The following ALX4 variants were observed in gnomAD, a reference collection of about 807,000 sequenced individuals.
ALX4 encodes ALX homeobox 4.
In ALX4, 22 loss-of-function variants were observed where a neutral mutation model predicts 40.6. The observed-to-expected ratio is 0.54, with a 90% CI of 0.39 to 0.77. The LOEUF is 0.77. ALX4 is among the 30% of genes least tolerant of loss of function. The pLI is 0.00. For synonymous variants in ALX4, 266 were observed against 240.5 expected, an observed-to-expected ratio of 1.11 and a Z score of -0.98; for missense variants, 556 against 564.8, an observed-to-expected ratio of 0.98 and a Z score of 0.16.
chr11:44,304,551 C>A (rs900878929), intron 1 of ALX4, among the ~76,000 whole-genome samples: 3 of 152,188 alleles, frequency 2.0e-5, no homozygotes, highest in African/African-American at 7.2e-5. Flanking sequence ...GGCAACTATC[C>A]CCCTCCTCTC....
intron 1 of ALX4, among the ~76,000 whole-genome samples, chr11:44,280,750 A>G (rs1181916695): frequency 6.6e-6 from 1 of 152,238 alleles, no homozygotes; most frequent in East Asian, 1.9e-4. Context: ...CCATCATGGT[A>G]TCCAGTGCTC....
At chr11:44,296,412 T>C (rs575145676) in intron 1 of ALX4, among the ~76,000 whole-genome samples, 3 of 152,308 alleles carry the variant, frequency 2.0e-5, no homozygotes, top group South Asian at 4.1e-4. Context: ...TTCTTGAATA[T>C]GACACCAAAA....
At chr11:44,308,568 T>A (rs1296440074) in intron 1 of ALX4, among the ~76,000 whole-genome samples, 1 of 152,230 alleles carries the variant, frequency 6.6e-6, no homozygotes, top group Non-Finnish European at 1.5e-5. Context: ...GAACCCCGAT[T>A]CTCTGGAAGA....
chr11:44,270,247 G>C (rs760547543), intron 2 of ALX4, among the ~76,000 whole-genome samples: 1 of 152,148 alleles, frequency 6.6e-6, no homozygotes, highest in South Asian at 2.1e-4. Context: ...ATGACCAGGC[G>C]GGGGAGAGGC....
At chr11:44,275,864 C>T (rs1204494709) in intron 1 of ALX4, among the ~76,000 whole-genome samples, 1 of 152,198 alleles carries the variant, frequency 6.6e-6, no homozygotes, top group Non-Finnish European at 1.5e-5. Context: ...CTTCCCCAAT[C>T]TGAGCCTCTT....
chr11:44,290,768 C>A (rs1956364490), intron 1 of ALX4, among the ~76,000 whole-genome samples: 1 of 152,182 alleles, frequency 6.6e-6, no homozygotes, highest in South Asian at 2.1e-4. Flanking sequence ...AGTGACTTGA[C>A]CTTTGTGTGC....
chr11:44,270,366 G>C (rs1254938750), intron 2 of ALX4, among the ~76,000 whole-genome samples: 1 of 151,912 alleles, frequency 6.6e-6, no homozygotes, highest in Non-Finnish European at 1.5e-5. Flanking sequence ...CGACCGGTGG[G>C]AGCAGGGCTG....
chr11:44,292,217 T>C (rs1230517064), intron 1 of ALX4, among the ~76,000 whole-genome samples: 12 of 152,022 alleles, frequency 7.9e-5, no homozygotes, highest in Non-Finnish European at 1.6e-4. Flanking sequence ...GCTCAATTAA[T>C]TATAAGATTG....
At chr11:44,291,714 G>T (rs905007578) in intron 1 of ALX4, among the ~76,000 whole-genome samples, 1 of 151,904 alleles carries the variant, frequency 6.6e-6, no homozygotes, top group Admixed American at 6.6e-5. Context: ...CCAAACAATT[G>T]AATTTCTTAG....
chr11:44,308,977 C>T (rs138174904), intron 1 of ALX4, among the ~76,000 whole-genome samples: 2 of 152,364 alleles, frequency 1.3e-5, no homozygotes, highest in African/African-American at 2.4e-5. Flanking sequence ...CCCTGGGACC[C>T]TAGGGTCTCT....
intron 2 of ALX4, among the ~76,000 whole-genome samples, chr11:44,274,225 T>C (rs1039759353): frequency 1.3e-5 from 2 of 151,892 alleles, no homozygotes; most frequent in South Asian, 4.1e-4. Context: ...TTGCTTCTGT[T>C]GTGTTGGGTT....
At chr11:44,274,473 G>A (rs569719307) in intron 2 of ALX4, among the ~76,000 whole-genome samples, 4 of 151,800 alleles carry the variant, frequency 2.6e-5, no homozygotes, top group Non-Finnish European at 5.9e-5. Flanking sequence ...GAGTTGAGTT[G>A]AGTGTGTCAG....
chr11:44,309,005 C>G (rs1416422461), intron 1 of ALX4, among the ~76,000 whole-genome samples: 1 of 152,250 alleles, frequency 6.6e-6, no homozygotes, highest in Non-Finnish European at 1.5e-5. Context: ...CACTGTGTTG[C>G]GCCAGTGCGC....
chr11:44,271,862 A>G (rs3849985), intron 2 of ALX4, among the ~76,000 whole-genome samples: 145,917 of 152,280 alleles, frequency 0.96, 69,999 homozygotes, highest in East Asian at 1. Flanking sequence ...ACTCCCATAT[A>G]TTTGTTAGGA....
intron 2 of ALX4, among the ~76,000 whole-genome samples, chr11:44,270,178 C>T (rs542318899): frequency 3.3e-5 from 5 of 151,932 alleles, no homozygotes; most frequent in South Asian, 2.1e-4. Flanking sequence ...ATGTGGGGCG[C>T]GGGCTCGCTG....
chr11:44,265,325 T>G, intron 3 of ALX4, 142 bp from the exon 4 acceptor site: 1 of 825,260 alleles, frequency 1.2e-6, no homozygotes, highest in Non-Finnish European at 1.9e-6. Context: ...TTGATGGACA[T>G]CCAGATACCC....
At chr11:44,286,695 T>A (rs1956340545) in intron 1 of ALX4, among the ~76,000 whole-genome samples, 1 of 152,196 alleles carries the variant, frequency 6.6e-6, no homozygotes, top group Non-Finnish European at 1.5e-5. Flanking sequence ...GGCGGGTCGC[T>A]GGCCTTCCTT....
intron 2 of ALX4, 115 bp from the exon 3 acceptor site, chr11:44,267,737 A>G: frequency 7.0e-7 from 1 of 1,436,578 alleles, no homozygotes; most frequent in Non-Finnish European, 9.7e-7. Flanking sequence ...TGCGTTTGGG[A>G]AACGGTGCGG....
chr11:44,265,110 G>GGGT lies in ALX4; in HGVS notation c.977_979dup (p.Asp326_Pro327insHis). ...ATGAGGGGACATGCAGGCAGGCACC[G>GGGT]GGTCGCAGGGGACCACGCAGGCTGG... is the stretch of plus-strand genomic sequence containing the variant. On this transcript the variant is annotated inframe_insertion, in exon 4 of 4. Transcript: ENST00000652299. 1 of 1,612,156 alleles carries GGGT rather than the reference G, an allele frequency of 6.2e-7. No individual in the cohort carries two copies. Among genetic ancestry groups the GGGT allele is most frequent in the South Asian group, 1.1e-5 (1 of 91,018 alleles).
Sources: allele counts gnomAD v4.1 joint callset (sites outside exome capture counted in the v4.1 genomes callset), GRCh38; gene constraint gnomAD v4.1.1; transcripts MANE v1.5; gene names NCBI Gene and HGNC (gene_info 2026-07-23, HGNC 2026-07-21).